The following ATAD5 variants were observed in gnomAD, a reference collection of about 807,000 sequenced individuals.
ATAD5 encodes ATPase family AAA domain containing 5, also known as ATPase family AAA domain-containing protein 5.
A neutral mutation model predicts 176.9 loss-of-function variants in ATAD5; 58 were observed. The ratio of observed to expected loss-of-function variants is 0.33; its 90% CI spans 0.27 to 0.41. The LOEUF (loss-of-function observed/expected upper bound fraction) is 0.41, where lower values mean the gene tolerates loss of function less well. Ranked by LOEUF, ATAD5 falls within the 10% of genes least tolerant of loss-of-function variation. The pLI is 1.00. For missense variants in ATAD5, 1,789 were observed against 2,094.1 expected, an observed-to-expected ratio of 0.85 and a Z score of 2.84; for synonymous variants, 640 against 712.6, an observed-to-expected ratio of 0.90 and a Z score of 1.62.
In ATAD5 at chr17:30,835,158, G is replaced by C; in HGVS notation, c.1077G>C (p.Glu359Asp). 1 of 1,614,042 alleles carries C rather than the reference G, an allele frequency of 6.2e-7. No individual in the cohort carries two copies. The highest frequency in any genetic ancestry group is 8.5e-7 in the Non-Finnish European group (1 of 1,179,986). ...FEMENSLSDP[E>D]NEQTVQKRKS... is the part of the protein sequence containing the mutation. ...TGGAAAATAGTTTATCTGATCCTGAGAATGAACAGACAGTTCAGAAAAGAA... is the reference window on the plus strand; with the variant it reads ...TGGAAAATAGTTTATCTGATCCTGACAATGAACAGACAGTTCAGAAAAGAA... Residue 359 changes from glutamate (E) to aspartate (D), a missense_variant, in exon 2 of 23, where the codon GAG becomes GAC. By Grantham distance (45) the Glu-to-Asp change is conservative (BLOSUM62 2). Around this residue, in one of 6 missense-constraint regions of ATAD5, gnomAD observed 696 missense variants for 712.5 expected, o/e 0.98. Transcript: ENST00000321990.
chr17:30,860,404 C>T (rs1279809239), intron 9 of ATAD5, 29 bp from the exon 10 acceptor site: 1 of 1,573,118 alleles, frequency 6.4e-7, no homozygotes, highest in Non-Finnish European at 8.6e-7. Context: ...GATTAGTAAG[C>T]ACATGCACTT....
In ATAD5 at chr17:30,892,768, G is replaced by A. The variant is rs1176758845; in HGVS notation, c.4420G>A (p.Asp1474Asn). ...TAAGAACATTTTTTCCCCATCTGAAGACTTATTTTCATTTTTAAAGGTATT... is the reference window on the plus strand; with the variant it reads ...TAAGAACATTTTTTCCCCATCTGAAAACTTATTTTCATTTTTAAAGGTATT... Reference protein sequence around the residue: ...GLKNIFSPSEDLFSFLKHKIT... With the variant: ...GLKNIFSPSENLFSFLKHKIT... Residue 1474 changes from aspartate to asparagine, a missense_variant, in exon 20 of 23, where the codon GAC becomes AAC. Coordinates refer to ENST00000321990, the MANE Select transcript of ATAD5 (RefSeq NM_024857.5). The A allele has an allele frequency of 1.3e-6, 2 of 1,564,128 alleles. No homozygotes were observed. Among genetic ancestry groups the A allele is most frequent in the African/African-American group, 1.4e-5 (1 of 72,032 alleles).
chr17:30,854,568 C>T (rs1039362782), intron 6 of ATAD5, among the ~76,000 whole-genome samples: 15 of 151,246 alleles, frequency 9.9e-5, no homozygotes, highest in African/African-American at 2.9e-4. Flanking sequence ...GATGGCGTTT[C>T]GTCATGTTGG....
At position 30,873,778 on chromosome 17, in the gene ATAD5, A is replaced by C. The variant is rs545882981; in HGVS notation, c.3608-2596A>C. ...GCAATCATAGCTCATTGCAAACTTG[A>C]ACTCCTGGGCTCAGATGATCCTCCT... On this transcript the variant is annotated intron_variant, in intron 14 of 22. Coordinates refer to ENST00000321990, the MANE Select transcript of ATAD5 (RefSeq NM_024857.5). Among the ~76,000 whole-genome samples, 12 of 149,000 alleles carry C rather than the reference A, an allele frequency of 8.1e-5. No homozygotes were observed. In the East Asian group the frequency reaches 2.4e-3, roughly 29 times the overall value.
intron 4 of ATAD5, among the ~76,000 whole-genome samples, chr17:30,841,589 C>T (rs560095602): frequency 5.3e-5 from 8 of 152,232 alleles, no homozygotes; most frequent in South Asian, 2.1e-4. Flanking sequence ...AATTTTGGAA[C>T]ATTTTCATTT....
chr17:30,832,238 A>C lies in ATAD5; in HGVS notation c.-110A>C. 1 of 1,002,990 alleles carries C rather than the reference A, an allele frequency of 1.0e-6. No homozygotes were observed. Among genetic ancestry groups the C allele is most frequent in the Non-Finnish European group, 1.4e-6 (1 of 734,140 alleles). The allele number at this position is 1,002,990 out of a possible 1,614,324, so 62.1% of individuals were successfully genotyped here. The stretch of plus-strand genomic sequence containing the variant: ...GCGGGGGAATCCGAAACGGCTCAGC[A>C]GAATCCCAGCAGCTTGCTGCTACTG... On this transcript the variant is annotated 5_prime_UTR_variant, in exon 1 of 23. Coordinates refer to ENST00000321990, the MANE Select transcript of ATAD5 (RefSeq NM_024857.5).
At chr17:30,836,266 C>T (rs530300886) in intron 2 of ATAD5, among the ~76,000 whole-genome samples, 20 of 151,904 alleles carry the variant, frequency 1.3e-4, no homozygotes, top group African/African-American at 4.8e-4. Context: ...GCAACCTCCA[C>T]CTCCCAGGTT....
At chr17:30,860,394 G>A in intron 9 of ATAD5, 39 bp from the exon 10 acceptor site, 1 of 1,559,330 alleles carries the variant, frequency 6.4e-7, no homozygotes, top group Non-Finnish European at 8.6e-7. Flanking sequence ...GGTTTTTGTT[G>A]ATTAGTAAGC....
intron 19 of ATAD5, among the ~76,000 whole-genome samples, chr17:30,889,395 C>T (rs1215590513): frequency 6.6e-6 from 1 of 151,222 alleles, no homozygotes; most frequent in East Asian, 1.9e-4. Context: ...GTACTTATAA[C>T]ATAGTACTTA....
Position 30,869,254 on chromosome 17 carries a change from C to T in ATAD5, c.3320C>T (p.Ser1107Leu), listed in dbSNP as rs552886395. ...CATTTGAATAATTTTTCAGATTTCT[C>T]GGGTGGCATAGACTTTAAAGGCAGT... The part of the protein sequence containing the change: ...GKRDEKHEDF[S>L]GGIDFKGSSD... Residue 1107 changes from serine to leucine, a missense_variant, in exon 13 of 23, where the codon TCG becomes TTG. Coordinates refer to ENST00000321990, the MANE Select transcript of ATAD5 (RefSeq NM_024857.5). 11 of 1,596,022 alleles carry T rather than the reference C, an allele frequency of 6.9e-6. No individual in the cohort carries two copies. Among genetic ancestry groups the T allele is most frequent in the South Asian group, 5.7e-5 (5 of 88,332 alleles).
At chr17:30,856,179 C>T (rs1394304851) in intron 7 of ATAD5, among the ~76,000 whole-genome samples, 1 of 152,162 alleles carries the variant, frequency 6.6e-6, no homozygotes, top group South Asian at 2.1e-4. Context: ...CTCTCTCTTA[C>T]AACCTTCAGA....
intron 11 of ATAD5, among the ~76,000 whole-genome samples, chr17:30,867,720 TCCCAC>T (rs1169679864): frequency 6.6e-6 from 1 of 152,128 alleles, no homozygotes; most frequent in Non-Finnish European, 1.5e-5. Flanking sequence ...CAAGCCATCC[TCCCAC>T]CTGAGCCTCC....
intron 4 of ATAD5, among the ~76,000 whole-genome samples, chr17:30,841,046 G>T (rs1332193425): frequency 6.7e-6 from 1 of 149,898 alleles, no homozygotes; most frequent in Non-Finnish European, 1.5e-5. Flanking sequence ...TTTCGCTCTT[G>T]TTGCCCAGGC....
intron 15 of ATAD5, among the ~76,000 whole-genome samples, chr17:30,877,034 G>C (rs559895695): frequency 1.1e-4 from 17 of 149,386 alleles, no homozygotes; most frequent in African/African-American, 4.2e-4. Flanking sequence ...GTTTTTGTTT[G>C]TTTGAGACAG....
chr17:30,883,838 C>T lies in ATAD5; in HGVS notation c.4078-3354C>T, dbSNP rs373544981. On this transcript the variant is annotated intron_variant, in intron 18 of 22. Transcript: ENST00000321990. ...TGCTGGGATTAGAGGTGTGAGCCCC[C>T]GCATCTGGCCCTAAAATTAATTTTA... Among the ~76,000 whole-genome samples, 6 of 152,104 alleles carry T rather than the reference C, an allele frequency of 3.9e-5. 1 individual carries two copies. Among genetic ancestry groups the T allele is most frequent in the African/African-American group, 1.2e-4 (5 of 41,512 alleles).
intron 19 of ATAD5, among the ~76,000 whole-genome samples, chr17:30,889,886 C>CT (rs60266614): frequency 0.015 from 1,460 of 95,676 alleles, 43 homozygotes; most frequent in African/African-American, 0.039. Context: ...TCTTTTCTTT[C>CT]TTTTTTTTTT....
chr17:30,872,581 A>T, intron 14 of ATAD5, among the ~76,000 whole-genome samples: 1 of 138,334 alleles, frequency 7.2e-6, no homozygotes, highest in Non-Finnish European at 1.5e-5. Flanking sequence ...TTTGAGACGG[A>T]GTCTCACACT....
At chr17:30,836,240 G>A (rs1177410274) in intron 2 of ATAD5, among the ~76,000 whole-genome samples, 192 bp downstream of exon 2, 1 of 151,624 alleles carries the variant, frequency 6.6e-6, no homozygotes, top group Non-Finnish European at 1.5e-5. Context: ...GTGCAGTGGG[G>A]CAATCTCGGC....
intron 19 of ATAD5, among the ~76,000 whole-genome samples, chr17:30,889,885 T>TC (rs1470915017): frequency 2.1e-5 from 3 of 141,492 alleles, no homozygotes; most frequent in African/African-American, 8.0e-5. Flanking sequence ...TTCTTTTCTT[T>TC]CTTTTTTTTT....
Sources: gnomAD v4.1 joint callset for allele counts (sites outside exome capture counted in the v4.1 genomes callset) on GRCh38, gnomAD v4.1.1 for gene constraint, gnomAD v4.1.1 regional missense constraint, MANE v1.5 for transcripts, NCBI Gene and HGNC (gene_info 2026-07-23, HGNC 2026-07-21) for gene names.